Variants in DYNC2LI1 observed in about 807,000 individuals in gnomAD.
The protein encoded by DYNC2LI1 is cytoplasmic dynein 2 light intermediate chain 1.
In DYNC2LI1, 45 loss-of-function variants were observed where a neutral mutation model predicts 51.9. The ratio of observed to expected loss-of-function variants is 0.87; its 90% CI spans 0.68 to 1.11. The LOEUF is 1.11. Ranked by LOEUF, DYNC2LI1 falls within the 50% of genes most tolerant of loss-of-function variation. DYNC2LI1 has a pLI of 0.00. For missense variants in DYNC2LI1, 490 were observed against 417.4 expected (o/e 1.17, Z -1.51); for synonymous variants, 130 against 137.8 (o/e 0.94, Z 0.40).
chr2:43,804,994 C>A (rs1178974903), intron 11 of DYNC2LI1, among the ~76,000 whole-genome samples, 160 bp from the exon 12 acceptor site: 1 of 151,692 alleles, frequency 6.6e-6, no homozygotes, highest in Non-Finnish European at 1.5e-5. Flanking sequence ...GGGGACCTGG[C>A]AGAATTGGAA....
intron 2 of DYNC2LI1, among the ~76,000 whole-genome samples, chr2:43,778,052 A>G (rs1673104374): frequency 1.3e-5 from 2 of 152,182 alleles, no homozygotes; most frequent in African/African-American, 2.4e-5. Flanking sequence ...CAGAGTTTTC[A>G]TATTGGCCCA....
chr2:43,794,342 T>C, intron 5 of DYNC2LI1, 115 bp from the exon 6 acceptor site: 1 of 1,118,020 alleles, frequency 8.9e-7, no homozygotes, highest in Non-Finnish European at 1.2e-6. Context: ...AATGCTACGG[T>C]TTTTTTTTCC....
intron 12 of DYNC2LI1, among the ~76,000 whole-genome samples, chr2:43,808,211 C>A (rs768076560): frequency 2.7e-5 from 4 of 150,826 alleles, no homozygotes; most frequent in Non-Finnish European, 5.9e-5. Flanking sequence ...GTAAAGACTA[C>A]ATATGATTAT....
chr2:43,820,029 A>C, the DYNC2LI1 span: 1 of 1,614,212 alleles, frequency 6.2e-7, no homozygotes, highest in South Asian at 1.1e-5. Context: ...AAATTCACCA[A>C]TTAAGTGGGG....
the DYNC2LI1 span, among the ~76,000 whole-genome samples, chr2:43,826,708 G>C: frequency 4.6e-5 from 7 of 152,234 alleles, no homozygotes; most frequent in African/African-American, 1.7e-4. Flanking sequence ...GAAGGGCCTA[G>C]TTCCCAGCTC....
the DYNC2LI1 span, among the ~76,000 whole-genome samples, chr2:43,827,478 T>C: frequency 6.6e-6 from 1 of 152,156 alleles, no homozygotes; most frequent in East Asian, 1.9e-4. Context: ...GCTGCATGAG[T>C]GGCGAGGTTT....
intron 12 of DYNC2LI1, among the ~76,000 whole-genome samples, chr2:43,808,530 C>T (rs1410409917): frequency 6.6e-6 from 1 of 152,168 alleles, no homozygotes; most frequent in African/African-American, 2.4e-5. Context: ...CATTGAACAA[C>T]ATGTAGGAGG....
At chr2:43,824,192 C>A in the DYNC2LI1 span, 1 of 1,614,000 alleles carries the variant, frequency 6.2e-7, no homozygotes, top group Non-Finnish European at 8.5e-7. Flanking sequence ...CTCTAACAGG[C>A]ATTTCTCACA....
chr2:43,826,426 T>C, the DYNC2LI1 span: 1 of 1,613,940 alleles, frequency 6.2e-7, no homozygotes, highest in Non-Finnish European at 8.5e-7. Flanking sequence ...AGAACCACAA[T>C]TCGGTTCCTG....
chr2:43,804,759 T>G lies in DYNC2LI1; in HGVS notation c.900+20T>G. On this transcript the variant is annotated intron_variant, in intron 11 of 12. Coordinates refer to ENST00000260605, the MANE Select transcript of DYNC2LI1 (RefSeq NM_016008.4). ...CCAAAGGTACATATTTCTAATTTTT[T>G]TAAAAGCAAGACTTTTAGCACTGTC... The G allele has an allele frequency of 6.5e-7, 1 of 1,531,904 alleles. No homozygotes were observed. The highest frequency in any genetic ancestry group is 8.9e-7 in the Non-Finnish European group (1 of 1,121,772). The allele number at this position is 1,531,904 out of a possible 1,614,324, so 94.9% of individuals were successfully genotyped here. A position where few individuals can be genotyped will look rare whatever the true frequency, so the allele number is the denominator to read the frequency against.
chr2:43,797,810 G>A (rs1665934238), intron 8 of DYNC2LI1, among the ~76,000 whole-genome samples: 1 of 152,052 alleles, frequency 6.6e-6, no homozygotes, highest in Admixed American at 6.6e-5. Flanking sequence ...GAGCCACCAT[G>A]CCTGGCCAAA....
chr2:43,780,088 AG>A (rs1673203782), intron 2 of DYNC2LI1, among the ~76,000 whole-genome samples: 2 of 152,216 alleles, frequency 1.3e-5, no homozygotes, highest in Non-Finnish European at 2.9e-5. Context: ...AGCGACTGTT[AG>A]TGGGGGGAAG....
At chr2:43,828,161 G>A in the DYNC2LI1 span, 4 of 1,612,424 alleles carry the variant, frequency 2.5e-6, no homozygotes, top group Non-Finnish European at 3.4e-6. Context: ...CTCTGTGGCT[G>A]CTATTTCAAT....
Position 43,775,518 on chromosome 2 carries a change from AG to A in DYNC2LI1, c.9-1263del, listed in dbSNP as rs1359364509. 5.0e-5 allele frequency among the ~76,000 whole-genome samples: 7 copies of A among 140,864 alleles called. No homozygotes were observed. The South Asian group carries it at 1.1e-3, about 23-fold the overall frequency. The allele number at this position is 140,864 out of a possible 152,430, so 92.4% of individuals were successfully genotyped here. On this transcript the variant is annotated intron_variant, in intron 1 of 12. Coordinates refer to ENST00000260605, the MANE Select transcript of DYNC2LI1 (RefSeq NM_016008.4). ...TTTATGGTTTTTTTTTGGCGGGGGG[AG>A]ACAAGGTCTTGCTGTGTCACCCAGG...
intron 5 of DYNC2LI1, among the ~76,000 whole-genome samples, chr2:43,790,734 G>T (rs546751728): frequency 6.6e-6 from 1 of 152,076 alleles, no homozygotes; most frequent in South Asian, 2.1e-4. Flanking sequence ...AATAGACTTC[G>T]TACAGGTTTG....
chr2:43,810,327 C>T, downstream of DYNC2LI1: 1 of 981,322 alleles, frequency 1.0e-6, no homozygotes, highest in Non-Finnish European at 1.2e-6. Context: ...GCACCAATTT[C>T]ACCCTGCTGT....
chr2:43,803,804 T>C (rs1220705423), intron 10 of DYNC2LI1, among the ~76,000 whole-genome samples: 2 of 152,156 alleles, frequency 1.3e-5, no homozygotes, highest in Non-Finnish European at 2.9e-5. Context: ...GTAAAACAGT[T>C]TTGGGGAACA....
the DYNC2LI1 span, chr2:43,824,777 A>C: frequency 6.5e-7 from 1 of 1,533,984 alleles, no homozygotes; most frequent in South Asian, 1.2e-5. Flanking sequence ...AGTATAAAAC[A>C]CAAAAACAAA....
chr2:43,789,005 T>C (rs1404793115), intron 4 of DYNC2LI1, among the ~76,000 whole-genome samples: 6 of 152,194 alleles, frequency 3.9e-5, no homozygotes, highest in Admixed American at 3.9e-4. Flanking sequence ...GAGGGTCCTA[T>C]GAAAAGAGAA....
Sources: allele counts gnomAD v4.1 joint callset (sites outside exome capture counted in the v4.1 genomes callset), GRCh38; gene constraint gnomAD v4.1.1; transcripts MANE v1.5; gene names NCBI Gene and HGNC (gene_info 2026-07-23, HGNC 2026-07-21).